Variants in BIRC6 observed in about 807,000 individuals in gnomAD.
BIRC6 encodes the protein dual E2 ubiquitin-conjugating enzyme/E3 ubiquitin-protein ligase BIRC6.
BIRC6 carries 98 observed loss-of-function variants against 503.3 expected under a neutral mutation model. The observed-to-expected ratio is 0.19, with a 90% CI of 0.17 to 0.23. The LOEUF is 0.23. Ranked by LOEUF, BIRC6 falls within the 10% of genes least tolerant of loss-of-function variation. BIRC6 has a pLI of 1.00. For synonymous variants in BIRC6, 2,240 were observed against 2,078.7 expected (o/e 1.08, Z -2.11); for missense variants, 5,360 against 5,806.0 (o/e 0.92, Z 2.50).
chr2:32,370,491 T>C (rs1183332727), intron 1 of BIRC6, among the ~76,000 whole-genome samples: 2 of 152,206 alleles, frequency 1.3e-5, no homozygotes, highest in African/African-American at 4.8e-5. Context: ...TATTTTATCA[T>C]GTGTTACCCC....
Position 32,500,042 on chromosome 2 carries a change from A to G in BIRC6, c.8964A>G (p.Gln2988=), listed in dbSNP as rs2052964249. The change falls in exon 46 of 74, where the codon CAA becomes CAG. Residue 2988 remains glutamine (Q), a synonymous_variant. Coordinates refer to ENST00000421745, the MANE Select transcript of BIRC6 (RefSeq NM_016252.4). ...AYVADLVLAN[Q]QIMSQILSAL... ...TTGCTGACTTAGTCTTAGCCAACCA[A>G]CAAATTATGAGCCAGATTTTGTCTG... 5 of 1,613,886 alleles carry G rather than the reference A, an allele frequency of 3.1e-6. No homozygotes were observed. Among genetic ancestry groups the G allele is most frequent in the South Asian group, 1.1e-5 (1 of 91,080 alleles).
rs139542096 is a variant in BIRC6, at chr2:32,381,088, A to G, written c.645+798A>G. Among the ~76,000 whole-genome samples, 7 of 152,308 alleles carry G rather than the reference A, an allele frequency of 4.6e-5. No homozygotes were observed. In the East Asian group the frequency reaches 1.3e-3, roughly 29 times the overall value. On this transcript the variant is annotated intron_variant, in intron 3 of 73. Transcript: ENST00000421745. ...AGGCCTTTTCTAAGTTATACTGCAT[A>G]TCAAACTTCCCTGTTATTGAAGGAT...
intron 61 of BIRC6, among the ~76,000 whole-genome samples, chr2:32,533,841 G>T (rs552827535): frequency 6.6e-6 from 1 of 152,214 alleles, no homozygotes; most frequent in African/African-American, 2.4e-5. Flanking sequence ...GACCTGTTTT[G>T]GATTTCTGAC....
At chr2:32,617,587 A>G (rs750403721) in intron 73 of BIRC6, 138 bp from the exon 74 acceptor site, 246 of 863,292 alleles carry the variant, frequency 2.8e-4, no homozygotes, top group Non-Finnish European at 3.8e-4. Context: ...TGCCTGTAAC[A>G]GTAGCTTGCA....
chr2:32,613,540 C>T (rs1344753253), intron 73 of BIRC6, among the ~76,000 whole-genome samples: 6 of 151,906 alleles, frequency 3.9e-5, no homozygotes, highest in Non-Finnish European at 4.4e-5. Context: ...GCCATCATGC[C>T]CAGCTAATTT....
chr2:32,586,714 C>T (rs535658397), intron 66 of BIRC6, among the ~76,000 whole-genome samples: 5 of 152,216 alleles, frequency 3.3e-5, no homozygotes, highest in African/African-American at 1.2e-4. Context: ...CCACTACACC[C>T]GGCCAAAATC....
At chr2:32,385,893 G>A (rs931283919) in intron 3 of BIRC6, among the ~76,000 whole-genome samples, 1 of 152,106 alleles carries the variant, frequency 6.6e-6, no homozygotes, top group African/African-American at 2.4e-5. Flanking sequence ...ACAAGTTGGA[G>A]CAACTTGTCT....
At chr2:32,370,993 T>C (rs1439612002) in intron 1 of BIRC6, among the ~76,000 whole-genome samples, 1 of 152,060 alleles carries the variant, frequency 6.6e-6, no homozygotes, top group East Asian at 1.9e-4. Flanking sequence ...AAAATTTCTT[T>C]CCTTTGAAAT....
chr2:32,357,295 C>T lies in BIRC6; in HGVS notation c.134C>T (p.Ala45Val), dbSNP rs1175678305. 4.6e-6 allele frequency: 7 copies of T among 1,523,440 alleles called. No individual in the cohort carries two copies. The highest frequency in any genetic ancestry group is 5.3e-6 in the Non-Finnish European group (6 of 1,139,032). The allele number at this position is 1,523,440 out of a possible 1,614,324, so 94.4% of individuals were successfully genotyped here. The change falls in exon 1 of 74, where the codon GCG becomes GTG. Residue 45 changes from alanine to valine, a missense_variant. Coordinates refer to ENST00000421745, the MANE Select transcript of BIRC6 (RefSeq NM_016252.4). This position sits in a 1 kb window ranked among gnomAD's most constrained non-coding sequence, Gnocchi z 4.9. ...TCGGGCCCCGGCTGCTCCTCGGCGG[C>T]GGGGGCGGGGGCGGCCGGGGTCTCA... ...AASGPGCSSAAGAGAAGVSEW... is the reference protein window; with the variant it reads ...AASGPGCSSAVGAGAAGVSEW...
At chr2:32,517,651 G>A (rs777611008) in intron 55 of BIRC6, among the ~76,000 whole-genome samples, 4 of 152,114 alleles carry the variant, frequency 2.6e-5, no homozygotes, top group South Asian at 2.1e-4. Context: ...TCAGTGAGCC[G>A]TGGCTCACTG....
chr2:32,527,536 ATGT>A (rs1207275725), intron 59 of BIRC6: 1 of 152,206 alleles, frequency 6.6e-6, no homozygotes, highest in East Asian at 1.9e-4. Context: ...AATGCCATAT[ATGT>A]TGTTGCCAAT....
chr2:32,570,856 G>T (rs1463516892), intron 65 of BIRC6, among the ~76,000 whole-genome samples: 1 of 152,064 alleles, frequency 6.6e-6, no homozygotes, highest in Non-Finnish European at 1.5e-5. Flanking sequence ...AGGGTGCAAT[G>T]GTGTCATCGT....
intron 66 of BIRC6, among the ~76,000 whole-genome samples, chr2:32,586,600 G>C (rs1308880671): frequency 6.6e-6 from 1 of 151,664 alleles, no homozygotes; most frequent in East Asian, 1.9e-4. Flanking sequence ...TGTGTTTATA[G>C]TAGAGATGGG....
chr2:32,556,889 A>G (rs1242261728), intron 65 of BIRC6, among the ~76,000 whole-genome samples: 1 of 152,186 alleles, frequency 6.6e-6, no homozygotes, highest in African/African-American at 2.4e-5. Context: ...CAGTGAGTCA[A>G]GAACGAGCCA....
At chr2:32,462,327 A>G (rs1292565683) in intron 23 of BIRC6, among the ~76,000 whole-genome samples, 2 of 152,240 alleles carry the variant, frequency 1.3e-5, no homozygotes, top group African/African-American at 2.4e-5. Context: ...TTTCCAATAT[A>G]TTTCTCATAA....
In BIRC6 at chr2:32,593,975, A is replaced by G. The variant is rs1366461292; in HGVS notation, c.13416A>G (p.Glu4472=). 6 of 1,613,680 alleles carry G rather than the reference A, an allele frequency of 3.7e-6. No individual in the cohort carries two copies. Among genetic ancestry groups the G allele is most frequent in the Non-Finnish European group, 5.1e-6 (6 of 1,179,746 alleles). The change falls in exon 67 of 74, where the codon GAA becomes GAG. Residue 4472 remains glutamate, a synonymous_variant. Coordinates refer to ENST00000421745, the MANE Select transcript of BIRC6 (RefSeq NM_016252.4). ...CAGATGCGTCTGATCAAGAACCAGA[A>G]GGACTTACTCTTTTGGTACCAGACA... The part of the protein sequence containing the change: ...VKPDASDQEP[E]GLTLLVPDIQ...
intron 1 of BIRC6, among the ~76,000 whole-genome samples, chr2:32,368,399 G>C (rs2035279523): frequency 6.6e-6 from 1 of 151,990 alleles, no homozygotes; most frequent in African/African-American, 2.4e-5. Context: ...AATTAGCCAG[G>C]CGTGGTGGTG....
rs1216630683 is a variant in BIRC6, at chr2:32,502,858, A to G, written c.9271A>G (p.Thr3091Ala). ...GTGGTTCATTTTGAGAGTATTGGATACTAGTGATGCCTTGAAAGCATTTCA... is the reference window on the plus strand; with the variant it reads ...GTGGTTCATTTTGAGAGTATTGGATGCTAGTGATGCCTTGAAAGCATTTCA... ...LLWFILRVLD[T>A]SDALKAFHDM... The change falls in exon 48 of 74, where the codon ACT becomes GCT. Residue 3091 changes from threonine to alanine, a missense_variant. Physicochemically the swap from Thr to Ala is moderately conservative, Grantham distance 58 (BLOSUM62 0). Transcript: ENST00000421745. The G allele has an allele frequency of 1.9e-6, 3 of 1,612,724 alleles. No homozygotes were observed. In the South Asian group the frequency reaches 3.3e-5, roughly 18 times the overall value.
At position 32,578,996 on chromosome 2, in the gene BIRC6, A is replaced by ATAT. The variant is rs1553517247; in HGVS notation, c.13355+3630_13355+3631insTAT. 1.4e-3 allele frequency among the ~76,000 whole-genome samples: 69 copies of ATAT among 48,576 alleles called. 3 individuals are homozygous for ATAT. Among genetic ancestry groups the ATAT allele is most frequent in the African/African-American group, 7.0e-3 (64 of 9,168 alleles). 31.9% of individuals were successfully genotyped at this position (48,576 alleles called of 152,430 possible). The stretch of plus-strand genomic sequence containing the variant: ...ATATACCTAATATATATATACACTT[A>ATAT]ATATATATATATACCTAATATATAT... On this transcript the variant is annotated intron_variant, in intron 66 of 73. Coordinates refer to ENST00000421745, the MANE Select transcript of BIRC6 (RefSeq NM_016252.4).
Sources: gnomAD v4.1 joint callset for allele counts (sites outside exome capture counted in the v4.1 genomes callset) on GRCh38, gnomAD v4.1.1 for gene constraint, Gnocchi (gnomAD v3.1) non-coding constraint, MANE v1.5 for transcripts, NCBI Gene and HGNC (gene_info 2026-07-23, HGNC 2026-07-21) for gene names.